Variants in ASIC2 observed in about 807,000 individuals in gnomAD.
The protein encoded by ASIC2 is acid sensing ion channel subunit 2.
ASIC2 carries 25 observed loss-of-function variants against 57.3 expected under a neutral mutation model. That is an observed-to-expected ratio of 0.44 (90% CI 0.32 to 0.61). ASIC2 has a LOEUF of 0.61. Ranked by LOEUF, ASIC2 falls within the 20% of genes least tolerant of loss-of-function variation. The pLI is 0.06. For synonymous variants in ASIC2, 319 were observed against 307.5 expected, an observed-to-expected ratio of 1.04 and a Z score of -0.39; for missense variants, 641 against 738.1, an observed-to-expected ratio of 0.87 and a Z score of 1.52.
chr17:33,679,036 G>T (rs1907917383), intron 1 of ASIC2, among the ~76,000 whole-genome samples: 1 of 152,156 alleles, frequency 6.6e-6, no homozygotes, highest in South Asian at 2.1e-4. Context: ...TGGGTTTAGT[G>T]TGTTCATGTT....
chr17:34,026,618 T>A (rs1046813455), intron 1 of ASIC2, among the ~76,000 whole-genome samples: 1 of 152,238 alleles, frequency 6.6e-6, no homozygotes, highest in Non-Finnish European at 1.5e-5. Context: ...TGTGCTGTTT[T>A]TGAACTAATA....
intron 1 of ASIC2, among the ~76,000 whole-genome samples, chr17:33,489,945 G>T (rs987471797): frequency 1.3e-5 from 2 of 152,150 alleles, no homozygotes; most frequent in Admixed American, 1.3e-4. Context: ...TTTATTCCAC[G>T]ATCTTAACTG....
intron 1 of ASIC2, among the ~76,000 whole-genome samples, chr17:33,427,895 C>T (rs1180284013): frequency 1.3e-5 from 2 of 152,214 alleles, no homozygotes; most frequent in African/African-American, 2.4e-5. Context: ...CCATAAAACA[C>T]ACCGTGGCTC....
chr17:34,088,052 T>G (rs1444351524), intron 1 of ASIC2, among the ~76,000 whole-genome samples: 1 of 152,270 alleles, frequency 6.6e-6, no homozygotes, highest in Non-Finnish European at 1.5e-5. Flanking sequence ...TCAAAGTCAT[T>G]CTCCATCCAG....
intron 1 of ASIC2, among the ~76,000 whole-genome samples, chr17:33,820,057 G>C (rs887806250): frequency 6.6e-6 from 1 of 152,160 alleles, no homozygotes; most frequent in Non-Finnish European, 1.5e-5. Context: ...AGAGGCCCCA[G>C]CTGCCCAATA....
intron 1 of ASIC2, among the ~76,000 whole-genome samples, chr17:33,660,395 A>G (rs921180984): frequency 6.6e-6 from 1 of 152,238 alleles, no homozygotes; most frequent in African/African-American, 2.4e-5. Flanking sequence ...ACACAAACAC[A>G]TTGTACAGCT....
intron 1 of ASIC2, among the ~76,000 whole-genome samples, chr17:33,364,215 A>G (rs1364650332): frequency 6.6e-6 from 1 of 152,142 alleles, no homozygotes; most frequent in Non-Finnish European, 1.5e-5. Context: ...AGTTACCATA[A>G]CCAACTGACT....
chr17:33,981,958 G>C (rs897707852), intron 1 of ASIC2, among the ~76,000 whole-genome samples: 1 of 152,200 alleles, frequency 6.6e-6, no homozygotes, highest in Non-Finnish European at 1.5e-5. Flanking sequence ...CTATCAGGGA[G>C]AATTGGCACC....
At chr17:33,182,571 C>G (rs1026842138) in intron 1 of ASIC2, among the ~76,000 whole-genome samples, 2 of 152,098 alleles carry the variant, frequency 1.3e-5, no homozygotes, top group Non-Finnish European at 2.9e-5. Flanking sequence ...TTGATTTGTT[C>G]TTTTTTAGTA....
At chr17:33,033,592 C>T (rs2091895337) in intron 3 of ASIC2, among the ~76,000 whole-genome samples, 1 of 152,244 alleles carries the variant, frequency 6.6e-6, no homozygotes, top group South Asian at 2.1e-4. Context: ...GGTGACTCCT[C>T]CCACTGCCTG....
chr17:33,983,993 T>C (rs1905720619), intron 1 of ASIC2, among the ~76,000 whole-genome samples: 1 of 152,232 alleles, frequency 6.6e-6, no homozygotes, highest in Non-Finnish European at 1.5e-5. Context: ...CCATGCTGTC[T>C]GTTCTTGTTG....
intron 1 of ASIC2, among the ~76,000 whole-genome samples, chr17:33,982,830 T>C (rs773777213): frequency 6.6e-6 from 1 of 152,240 alleles, no homozygotes; most frequent in Non-Finnish European, 1.5e-5. Context: ...TTGGCCTCTC[T>C]GAACCTCAAT....
chr17:33,021,167 C>T, intron 7 of ASIC2, 52 bp downstream of exon 7: 1 of 617,084 alleles, frequency 1.6e-6, no homozygotes, highest in Non-Finnish European at 3.1e-6. Context: ...CATCCTCCCT[C>T]CCTCCCACCC....
At chr17:33,601,965 T>C (rs1288219592) in intron 1 of ASIC2, among the ~76,000 whole-genome samples, 1 of 152,256 alleles carries the variant, frequency 6.6e-6, no homozygotes, top group Non-Finnish European at 1.5e-5. Context: ...TGGACATATC[T>C]ATCCTGTGCC....
At chr17:33,856,956 T>C (rs1205695996) in intron 1 of ASIC2, among the ~76,000 whole-genome samples, 1 of 152,036 alleles carries the variant, frequency 6.6e-6, no homozygotes, top group Non-Finnish European at 1.5e-5. Context: ...GGAGGAGCCA[T>C]CCTGGGCTTT....
At chr17:33,638,027 T>G (rs973165768) in intron 1 of ASIC2, among the ~76,000 whole-genome samples, 2 of 152,158 alleles carry the variant, frequency 1.3e-5, no homozygotes, top group Non-Finnish European at 1.5e-5. Context: ...GGTTGAGTTA[T>G]GAGTCAAAAG....
intron 1 of ASIC2, among the ~76,000 whole-genome samples, chr17:33,777,228 C>T (rs1333604792): frequency 6.6e-6 from 1 of 152,208 alleles, no homozygotes; most frequent in Non-Finnish European, 1.5e-5. Flanking sequence ...TTCTGCCCCT[C>T]TGGGCTTTTG....
chr17:33,581,190 A>T (rs1477498454), intron 1 of ASIC2: 1 of 152,210 alleles, frequency 6.6e-6, no homozygotes, highest in Non-Finnish European at 1.5e-5. Context: ...AGTCAGAGAG[A>T]TTCAAAGCAC....
rs71379438 is a variant in ASIC2, at chr17:33,966,246, T to G, written c.555+189732A>C. ...TCTTTTGGGTGATTTGTCCTGCCTG[T>G]CTTGCTTTTGCTAAATAATGAGGAT... On this transcript the variant is annotated intron_variant, in intron 1 of 9. Coordinates refer to the ASIC2 transcript ENST00000359872. Among the ~76,000 whole-genome samples, 1,165 of 152,294 alleles carry G rather than the reference T, an allele frequency of 7.6e-3. 18 individuals are homozygous for G. The highest frequency in any genetic ancestry group is 0.027 in the African/African-American group (1,113 of 41,542).
Sources: gnomAD v4.1 joint callset for allele counts (sites outside exome capture counted in the v4.1 genomes callset) on GRCh38, gnomAD v4.1.1 for gene constraint, MANE v1.5 for transcripts, NCBI Gene and HGNC (gene_info 2026-07-23, HGNC 2026-07-21) for gene names.